TFCP2: variants seen among roughly 807,000 people sequenced by gnomAD.
TFCP2 encodes transcription factor CP2, also known as alpha-globin transcription factor CP2.
A neutral mutation model predicts 73.4 loss-of-function variants in TFCP2; 33 were observed. The observed-to-expected ratio is 0.45, with a 90% CI of 0.34 to 0.60. The LOEUF (loss-of-function observed/expected upper bound fraction) is 0.60, where lower values mean the gene tolerates loss of function less well. Ranked by LOEUF, TFCP2 falls within the 20% of genes least tolerant of loss-of-function variation. The pLI is 0.01. For missense variants in TFCP2, 352 were observed against 604.0 expected (o/e 0.58, Z 4.37); for synonymous variants, 193 against 211.6 (o/e 0.91, Z 0.76).
intron 1 of TFCP2, among the ~76,000 whole-genome samples, chr12:51,159,535 C>T (rs1175689599): frequency 6.6e-6 from 1 of 151,908 alleles, no homozygotes; most frequent in Non-Finnish European, 1.5e-5. Flanking sequence ...GACGGGGTTT[C>T]ACCACATTGG....
intron 12 of TFCP2, 136 bp downstream of exon 12, chr12:51,099,519 C>A: frequency 1.7e-6 from 2 of 1,159,328 alleles, no homozygotes; most frequent in South Asian, 1.6e-5. Context: ...GTATTAGGAA[C>A]TTAATAAATG....
intron 11 of TFCP2, 89 bp downstream of exon 11, chr12:51,101,846 T>C (rs1246308620): frequency 1.3e-6 from 1 of 767,294 alleles, no homozygotes; most frequent in African/African-American, 1.7e-5. Flanking sequence ...AGAAGGTGTA[T>C]TTAGCTGTGT....
At chr12:51,113,455 C>A (rs1940447584) in intron 4 of TFCP2, among the ~76,000 whole-genome samples, 1 of 152,178 alleles carries the variant, frequency 6.6e-6, no homozygotes, top group Non-Finnish European at 1.5e-5. Context: ...AACCAAGTGA[C>A]ATAGCTTCTA....
chr12:51,127,414 C>T (rs1940839498), intron 1 of TFCP2, among the ~76,000 whole-genome samples: 1 of 152,154 alleles, frequency 6.6e-6, no homozygotes, highest in South Asian at 2.1e-4. Flanking sequence ...AGCTGGAAAG[C>T]TCACCAATCA....
At chr12:51,172,253 C>T (rs752045018) in intron 1 of TFCP2, 48 bp downstream of exon 1, 2 of 1,606,940 alleles carry the variant, frequency 1.2e-6, no homozygotes, top group East Asian at 2.2e-5. Context: ...TAGTGTCTAT[C>T]CGCCTTTGTT....
intron 1 of TFCP2, among the ~76,000 whole-genome samples, chr12:51,168,636 C>G (rs959149683): frequency 2.0e-5 from 3 of 151,876 alleles, no homozygotes; most frequent in Non-Finnish European, 4.4e-5. Context: ...GGGCAGGCAC[C>G]ACCATACTCA....
chr12:51,110,517 G>A (rs550187777), intron 5 of TFCP2, among the ~76,000 whole-genome samples: 25 of 152,254 alleles, frequency 1.6e-4, no homozygotes, highest in South Asian at 1.5e-3. Context: ...GTAGTGAGCC[G>A]AGATTGCACC....
At chr12:51,162,081 A>T (rs1941661794) in intron 1 of TFCP2, among the ~76,000 whole-genome samples, 1 of 152,182 alleles carries the variant, frequency 6.6e-6, no homozygotes, top group Non-Finnish European at 1.5e-5. Context: ...GGCAGAAGAA[A>T]GAATCAATGA....
chr12:51,136,900 A>G (rs1355100797), intron 1 of TFCP2, among the ~76,000 whole-genome samples: 1 of 152,176 alleles, frequency 6.6e-6, no homozygotes, highest in Non-Finnish European at 1.5e-5. Context: ...AGCTGACACT[A>G]TGCCACTGCA....
At chr12:51,163,908 TAAA>T (rs1382136885) in intron 1 of TFCP2, among the ~76,000 whole-genome samples, 1 of 149,298 alleles carries the variant, frequency 6.7e-6, no homozygotes, top group Non-Finnish European at 1.5e-5. Context: ...ATAAGTGAAA[TAAA>T]GAATAAAAAT....
intron 1 of TFCP2, among the ~76,000 whole-genome samples, chr12:51,149,037 A>AAAAAAAAAAAAAAAAAC (rs1566226804): frequency 6.7e-6 from 1 of 149,240 alleles, no homozygotes; most frequent in African/African-American, 2.4e-5. Context: ...AAAAAAAAAA[A>AAAAAAAAAAAAAAAAAC]AAAACAGAAA....
intron 10 of TFCP2, 48 bp from the exon 11 acceptor site, chr12:51,102,073 G>T: frequency 1.6e-6 from 2 of 1,279,512 alleles, no homozygotes; most frequent in Non-Finnish European, 2.3e-6. Flanking sequence ...GATTCTCTTT[G>T]TTAATGACTA....
chr12:51,110,678 C>T (rs1940377762), intron 5 of TFCP2, among the ~76,000 whole-genome samples, 199 bp downstream of exon 5: 1 of 152,110 alleles, frequency 6.6e-6, no homozygotes, highest in Non-Finnish European at 1.5e-5. Flanking sequence ...TTGGGAGACA[C>T]AAATAAATAA....
Position 51,173,106 on chromosome 12 carries a change from G to C in TFCP2, c.-684C>G, listed in dbSNP as rs1842660035. ...GCCGCCCCAGCGCCAACCAATCATGGCGTCCTCTTTCCTCGCCTGCCCGGC... is the reference window on the plus strand; with the variant it reads ...GCCGCCCCAGCGCCAACCAATCATGCCGTCCTCTTTCCTCGCCTGCCCGGC... On this transcript the variant is annotated 5_prime_UTR_variant, in exon 1 of 15. Coordinates refer to ENST00000257915, the MANE Select transcript of TFCP2 (RefSeq NM_005653.5). 1 of 152,372 alleles carries C rather than the reference G, an allele frequency of 6.6e-6. No individual in the cohort carries two copies. Among genetic ancestry groups the C allele is most frequent in the African/African-American group, 2.4e-5 (1 of 41,406 alleles). 9.4% of individuals were successfully genotyped at this position (152,372 alleles called of 1,614,324 possible). A position where few individuals can be genotyped will look rare whatever the true frequency, so the allele number is the denominator to read the frequency against.
At chr12:51,172,093 C>T (rs1308885241) in intron 1 of TFCP2, among the ~76,000 whole-genome samples, 1 of 152,212 alleles carries the variant, frequency 6.6e-6, no homozygotes, top group Admixed American at 6.5e-5. Flanking sequence ...TCCACTGATT[C>T]TGCACAGGCT....
At chr12:51,118,268 T>C (rs556580984) in intron 2 of TFCP2, among the ~76,000 whole-genome samples, 142 of 152,252 alleles carry the variant, frequency 9.3e-4, no homozygotes, top group African/African-American at 3.4e-3. Context: ...TAAAACATCA[T>C]AAATGGCCGG....
At chr12:51,152,182 T>A (rs1341429779) in intron 1 of TFCP2, among the ~76,000 whole-genome samples, 1 of 152,176 alleles carries the variant, frequency 6.6e-6, no homozygotes, top group Non-Finnish European at 1.5e-5. Context: ...AGCATGTGCA[T>A]CCTAATATGA....
At position 51,096,016 on chromosome 12, in the gene TFCP2, C is replaced by A. The variant is rs1417967791; in HGVS notation, c.1444G>T (p.Ala482Ser). ...DEMIQNFQEE[A>S]CFILDTMKAE... ...TTCATTGTGTCCAGAATAAAACATG[C>A]TTCTTCCTGAAAGTTCTGTATCATC... is the stretch of plus-strand genomic sequence containing the variant. The change falls in exon 14 of 15, where the codon GCA (alanine) becomes TCA (serine). Residue 482 changes from alanine to serine, a missense_variant. By Grantham distance (99) the Ala-to-Ser change is moderately conservative. Transcript: ENST00000257915. 6.2e-7 allele frequency: 1 copy of A among 1,613,120 alleles called. No homozygotes were observed. The highest frequency in any genetic ancestry group is 1.7e-5 in the Admixed American group (1 of 59,818).
chr12:51,125,366 C>T, intron 1 of TFCP2: 1 of 487,496 alleles, frequency 2.1e-6, no homozygotes, highest in Non-Finnish European at 4.0e-6. Context: ...ACAGCTAAGG[C>T]CAAGCCAAAC....
Sources: gnomAD v4.1 joint callset for allele counts (sites outside exome capture counted in the v4.1 genomes callset) on GRCh38, gnomAD v4.1.1 for gene constraint, MANE v1.5 for transcripts, NCBI Gene and HGNC (gene_info 2026-07-23, HGNC 2026-07-21) for gene names.